HCK: variants seen among roughly 807,000 people sequenced by gnomAD.
HCK encodes HCK proto-oncogene, Src family tyrosine kinase, also known as tyrosine-protein kinase HCK.
In HCK, 40 loss-of-function variants were observed where a neutral mutation model predicts 70.4. The observed-to-expected ratio is 0.57, with a 90% CI of 0.44 to 0.74. HCK has a LOEUF of 0.74. Among genes scored for constraint, HCK ranks in the 30% least tolerant of loss-of-function variants. The pLI, the probability that HCK is intolerant of heterozygous loss-of-function variation, is 0.00. For synonymous variants in HCK, 245 were observed against 263.2 expected (o/e 0.93, Z 0.67); for missense variants, 568 against 697.2 (o/e 0.81, Z 2.09).
chr20:32,082,029 C>T (rs2045715336), intron 6 of HCK, among the ~76,000 whole-genome samples: 1 of 152,174 alleles, frequency 6.6e-6, no homozygotes, highest in Admixed American at 6.5e-5. Context: ...GCCAGTCTCG[C>T]CCCTGACTGG....
At chr20:32,067,792 A>G (rs1394575765) in intron 1 of HCK, among the ~76,000 whole-genome samples, 1 of 152,084 alleles carries the variant, frequency 6.6e-6, no homozygotes, top group Non-Finnish European at 1.5e-5. Flanking sequence ...TTGAGCACAG[A>G]TGGAGTCATA....
At chr20:32,056,178 T>C (rs1322103603) in intron 1 of HCK, among the ~76,000 whole-genome samples, 1 of 152,230 alleles carries the variant, frequency 6.6e-6, no homozygotes, top group East Asian at 1.9e-4. Context: ...TTCAATTCCT[T>C]TGGGTATATA....
Position 32,093,891 on chromosome 20 carries a change from A to T in HCK, c.1121A>T (p.Gln374Leu). ...GCAGAAGGCATGGCCTTCATCGAGC[A>T]GAGGAACTACATCCACCGAGACCTC... Residue 374 changes from glutamine to leucine, a missense_variant, in exon 11 of 13, where the codon CAG (glutamine) becomes CTG (leucine). Transcript: ENST00000375852. 6.2e-7 allele frequency: 1 copy of T among 1,613,740 alleles called. No individual in the cohort carries two copies. The highest frequency in any genetic ancestry group is 8.5e-7 in the Non-Finnish European group (1 of 1,179,842).
chr20:32,093,862 G>C lies in HCK; in HGVS notation c.1093-1G>C. The C allele has an allele frequency of 2.5e-6, 4 of 1,610,204 alleles. No homozygotes were observed. Among genetic ancestry groups the C allele is most frequent in the Non-Finnish European group, 3.4e-6 (4 of 1,178,228 alleles). On this transcript the variant is annotated splice_acceptor_variant, in intron 10 of 12. Coordinates refer to ENST00000375852, the MANE Select transcript of HCK (RefSeq NM_002110.5). LOFTEE classifies it high-confidence loss of function. ...CAAAGGTGTCTCTGTTTGGGGTGCA[G>C]ATTGCAGAAGGCATGGCCTTCATCG...
chr20:32,054,775 T>C (rs1315303319), intron 1 of HCK, among the ~76,000 whole-genome samples: 2 of 152,166 alleles, frequency 1.3e-5, no homozygotes, highest in Admixed American at 1.3e-4. Context: ...CACTGCACTC[T>C]AGCCTGGGCC....
rs569204929 is a variant in HCK, at chr20:32,064,682, C to T, written c.63-6980C>T. Among the ~76,000 whole-genome samples, 3 of 152,356 alleles carry T rather than the reference C, an allele frequency of 2.0e-5. No individual in the cohort carries two copies. The South Asian group carries it at 6.2e-4, about 32-fold the overall frequency. Reference sequence around the variant, plus strand: ...ATAGAAGCTCCCAGAAAACCATCTCCAGCCCACTGGATGGATGCTCAGGCA... The same window carrying T: ...ATAGAAGCTCCCAGAAAACCATCTCTAGCCCACTGGATGGATGCTCAGGCA... On this transcript the variant is annotated intron_variant, in intron 1 of 12. Coordinates refer to ENST00000375852, the MANE Select transcript of HCK (RefSeq NM_002110.5).
At chr20:32,068,920 G>A (rs2122514188) in intron 1 of HCK, among the ~76,000 whole-genome samples, 1 of 152,214 alleles carries the variant, frequency 6.6e-6, no homozygotes, top group Admixed American at 6.5e-5. Context: ...CTCCAGCCTG[G>A]GTGACAGAGC....
At chr20:32,092,926 A>T (rs2045883181) in intron 10 of HCK, among the ~76,000 whole-genome samples, 1 of 151,874 alleles carries the variant, frequency 6.6e-6, no homozygotes, top group Non-Finnish European at 1.5e-5. Context: ...TCTACAGGTC[A>T]TATTTTGTTA....
chr20:32,099,638 G>A (rs1011760256), intron 12 of HCK, among the ~76,000 whole-genome samples: 12 of 151,810 alleles, frequency 7.9e-5, no homozygotes, highest in South Asian at 2.1e-4. Flanking sequence ...GATTACAGGC[G>A]TGAGCCACTG....
chr20:32,074,511 C>G lies in HCK; in HGVS notation c.330-112C>G. 5 of 756,260 alleles carry G rather than the reference C, an allele frequency of 6.6e-6. No individual in the cohort carries two copies. The South Asian group carries it at 7.5e-5, about 11-fold the overall frequency. 46.8% of individuals were successfully genotyped at this position (756,260 alleles called of 1,614,324 possible). ...GACATAGTCACAGCCCTGTCCTTCACCCTACTGGCTTTCTGGAGGCAGGGA... is the reference window on the plus strand; with the variant it reads ...GACATAGTCACAGCCCTGTCCTTCAGCCTACTGGCTTTCTGGAGGCAGGGA... On this transcript the variant is annotated intron_variant, in intron 4 of 12. Transcript: ENST00000375852.
intron 1 of HCK, among the ~76,000 whole-genome samples, chr20:32,061,936 C>CTTTT (rs557203114): frequency 3.3e-5 from 4 of 122,042 alleles, no homozygotes; most frequent in Non-Finnish European, 6.8e-5. Flanking sequence ...TCTGACTTAC[C>CTTTT]TTTTTTTTTT....
chr20:32,054,475 T>TAAA lies in HCK; in HGVS notation c.62+2036_62+2038dup, dbSNP rs529274774. Among the ~76,000 whole-genome samples the TAAA allele has an allele frequency of 3.1e-4, 5 of 15,886 alleles. 2 individuals are homozygous for TAAA. The highest frequency in any genetic ancestry group is 2.4e-3 in the East Asian group (1 of 418). The allele number at this position is 15,886 out of a possible 152,430, so 10.4% of individuals were successfully genotyped here. On this transcript the variant is annotated intron_variant, in intron 1 of 12. Transcript: ENST00000375852. ...TGGACAACAAAAGCGAAACTCCACC[T>TAAA]AAAAAAAAAAAAAAAAAAAAAAAAA...
Position 32,069,563 on chromosome 20 carries a change from A to T in HCK, c.63-2099A>T, listed in dbSNP as rs1447006338. The stretch of plus-strand genomic sequence containing the variant: ...TAATACACATTTATCTCAAAGAGAG[A>T]TGCTGGTTTCAGTTTTAAATGCATG... On this transcript the variant is annotated intron_variant, in intron 1 of 12. Transcript: ENST00000375852. The T allele has an allele frequency of 1.3e-5, 5 of 374,832 alleles. No individual in the cohort carries two copies. In the Admixed American group the frequency reaches 1.8e-4, roughly 14 times the overall value. 23.2% of individuals were successfully genotyped at this position (374,832 alleles called of 1,614,324 possible). A position where few individuals can be genotyped will look rare whatever the true frequency, so the allele number is the denominator to read the frequency against.
intron 6 of HCK, among the ~76,000 whole-genome samples, chr20:32,082,431 C>G (rs191373207): frequency 1.3e-5 from 2 of 152,162 alleles, no homozygotes; most frequent in Non-Finnish European, 2.9e-5. Context: ...CACCTGAGCT[C>G]AGGAGTTGGA....
At chr20:32,082,163 G>A (rs764518186) in intron 6 of HCK, among the ~76,000 whole-genome samples, 3 of 152,104 alleles carry the variant, frequency 2.0e-5, no homozygotes, top group East Asian at 3.8e-4. Context: ...TTCCTCATCC[G>A]TAAATGAGGA....
chr20:32,084,796 G>A (rs1214480980), intron 8 of HCK, among the ~76,000 whole-genome samples: 6 of 152,224 alleles, frequency 3.9e-5, no homozygotes, highest in African/African-American at 1.4e-4. Flanking sequence ...CATGGATGAG[G>A]AATCCCTCCC....
intron 10 of HCK, among the ~76,000 whole-genome samples, chr20:32,093,502 T>TGG: frequency 6.6e-6 from 1 of 151,200 alleles, no homozygotes; most frequent in African/African-American, 2.5e-5. Flanking sequence ...TGTGTGTGTG[T>TGG]GTGTGTGTGT....
rs1318624692 is a variant in HCK, at chr20:32,088,555, C to T, written c.1016-13C>T. ...TAAAAGTAGTAAATGTTCCTCCCCT[C>T]TCCCCCATATAGGAAGCTTGCTGGA... On this transcript the variant is annotated splice_polypyrimidine_tract_variant and intron_variant, in intron 9 of 12. Transcript: ENST00000375852. 3.7e-6 allele frequency: 6 copies of T among 1,605,378 alleles called. No individual in the cohort carries two copies. The highest frequency in any genetic ancestry group is 4.3e-6 in the Non-Finnish European group (5 of 1,175,946).
At position 32,101,516 on chromosome 20, in the gene HCK, A is replaced by G. The variant is rs748590150; in HGVS notation, c.1578A>G (p.Pro526=). 2 of 1,612,270 alleles carry G rather than the reference A, an allele frequency of 1.2e-6. No individual in the cohort carries two copies. Among genetic ancestry groups the G allele is most frequent in the Non-Finnish European group, 1.7e-6 (2 of 1,179,112 alleles). ...CAGAGAGCCAGTACCAACAGCAGCC[A>G]TGATAGGGAGGACCAGGGCAGGGCC... The change falls in exon 13 of 13, where the codon CCA becomes CCG. Residue 526 remains proline, a synonymous_variant. Transcript: ENST00000375852.
Sources: allele counts gnomAD v4.1 joint callset (sites outside exome capture counted in the v4.1 genomes callset), GRCh38; gene constraint gnomAD v4.1.1; transcripts MANE v1.5; gene names NCBI Gene and HGNC (gene_info 2026-07-23, HGNC 2026-07-21).